ITPKB: variants seen among roughly 807,000 people sequenced by gnomAD.
ITPKB encodes inositol-trisphosphate 3-kinase B.
ITPKB carries 13 observed loss-of-function variants against 69.4 expected under a neutral mutation model. The ratio of observed to expected loss-of-function variants is 0.19; its 90% CI spans 0.12 to 0.30. The LOEUF is 0.30. Ranked by LOEUF, ITPKB falls within the 10% of genes least tolerant of loss-of-function variation. ITPKB has a pLI of 1.00. For missense variants in ITPKB, 1,240 were observed against 1,250.5 expected (o/e 0.99, Z 0.13); for synonymous variants, 584 against 513.7 (o/e 1.14, Z -1.85).
At chr1:226,711,372 A>G (rs1020300091) in intron 2 of ITPKB, among the ~76,000 whole-genome samples, 3 of 151,770 alleles carry the variant, frequency 2.0e-5, no homozygotes, top group African/African-American at 7.2e-5. Context: ...AACCAGATGC[A>G]GTACCTGCCT....
rs537790633 is a variant in ITPKB at position 226,641,796 on chromosome 1, G to A, written c.2451+125C>T. The A allele has an allele frequency of 1.7e-5, 15 of 870,526 alleles. No homozygotes were observed. Among genetic ancestry groups the A allele is most frequent in the African/African-American group, 1.2e-4 (7 of 59,636 alleles). The allele number at this position is 870,526 out of a possible 1,614,324, so 53.9% of individuals were successfully genotyped here. A position where few individuals can be genotyped will look rare whatever the true frequency, so the allele number is the denominator to read the frequency against. ...GTCTCCAAATGTCTGGCCTTGGGGC[G>A]GGCCACCCACATTCTGAGCCTGTGC... On this transcript the variant is annotated intron_variant, in intron 5 of 7. Coordinates refer to ENST00000429204, the MANE Select transcript of ITPKB (RefSeq NM_002221.4). The surrounding 1 kb of genome is among the most constrained non-coding windows in gnomAD (Gnocchi z 4.6).
In ITPKB at chr1:226,645,734, C is replaced by A. The variant is rs183369787; in HGVS notation, c.2246+1433G>T. Among the ~76,000 whole-genome samples the A allele has an allele frequency of 7.4e-4, 112 of 152,258 alleles. No homozygotes were observed. In the Middle Eastern group the frequency reaches 0.01, roughly 14 times the overall value. ...AAATCAGACTCGGGAAAAGCAAAGG[C>A]CTCGGGCTGGCTGGGGGCATGTTCT... On this transcript the variant is annotated intron_variant, in intron 4 of 7. Transcript: ENST00000429204.
intron 4 of ITPKB, among the ~76,000 whole-genome samples, chr1:226,644,428 G>A (rs976416293): frequency 6.6e-5 from 10 of 152,184 alleles, no homozygotes; most frequent in Admixed American, 2.0e-4. Flanking sequence ...CCAGCCCAGG[G>A]AGCCAACAGG....
Position 226,737,643 on chromosome 1 carries a change from GC to G in ITPKB, c.-186del. The G allele has an allele frequency of 1.8e-6, 2 of 1,101,522 alleles. No homozygotes were observed. The highest frequency in any genetic ancestry group is 2.2e-6 in the Non-Finnish European group (2 of 902,908). 68.2% of individuals were successfully genotyped at this position (1,101,522 alleles called of 1,614,324 possible). A position where few individuals can be genotyped will look rare whatever the true frequency, so the allele number is the denominator to read the frequency against. On this transcript the variant is annotated 5_prime_UTR_variant, in exon 2 of 8. The change creates a premature stop within an existing upstream ORF in the 5' untranslated region. Coordinates refer to ENST00000429204, the MANE Select transcript of ITPKB (RefSeq NM_002221.4). ...ACCGCGGGCTCAGCCCCCGCCCAAA[GC>G]TCCATAAACAACCGTGCGGCTGTGG...
intron 2 of ITPKB, among the ~76,000 whole-genome samples, chr1:226,655,591 C>A (rs573451805): frequency 9.8e-4 from 150 of 152,348 alleles, no homozygotes; most frequent in African/African-American, 3.5e-3. Context: ...GCATGTTGTT[C>A]AGAGTCTGGC....
intron 2 of ITPKB, among the ~76,000 whole-genome samples, chr1:226,706,716 G>GGGA (rs1389467111): frequency 6.6e-6 from 1 of 152,202 alleles, no homozygotes; most frequent in East Asian, 1.9e-4. Flanking sequence ...TGGGGCCTGT[G>GGGA]GGAGGAGGAG....
At chr1:226,668,825 A>ACG (rs1364210573) in intron 2 of ITPKB, 9 of 152,250 alleles carry the variant, frequency 5.9e-5, no homozygotes, top group African/African-American at 2.2e-4. Context: ...ATCAGTATTT[A>ACG]CGAAGTCTGA....
intron 2 of ITPKB, among the ~76,000 whole-genome samples, chr1:226,670,115 C>A (rs1307519852): frequency 6.7e-6 from 1 of 148,380 alleles, no homozygotes; most frequent in African/African-American, 2.5e-5. Context: ...CTCAAGTGAT[C>A]CGCCTGCCTC....
chr1:226,639,042 C>T (rs533330116), intron 6 of ITPKB, among the ~76,000 whole-genome samples: 22 of 140,608 alleles, frequency 1.6e-4, no homozygotes, highest in Non-Finnish European at 2.7e-4. Flanking sequence ...GTACTAACTT[C>T]AGTGCCCTTG....
At position 226,634,280 on chromosome 1, in the gene ITPKB, C is replaced by CT. The variant is rs1474892551; in HGVS notation, c.*390dup. On this transcript the variant is annotated 3_prime_UTR_variant, in exon 8 of 8. Transcript: ENST00000429204. This position sits in a 1 kb window ranked among gnomAD's most constrained non-coding sequence, Gnocchi z 6.3. ...AAATAAGGCTGTGCTTGGCAGCACT[C>CT]TAACAGCACTGGCCGCCAGGGGGCA... The CT allele has an allele frequency of 2.7e-5, 5 of 186,900 alleles. No homozygotes were observed. The highest frequency in any genetic ancestry group is 1.2e-4 in the African/African-American group (5 of 42,922). The allele number at this position is 186,900 out of a possible 1,614,324, so 11.6% of individuals were successfully genotyped here.
At chr1:226,689,569 T>TGTG (rs1553255310) in intron 2 of ITPKB, among the ~76,000 whole-genome samples, 24 of 138,474 alleles carry the variant, frequency 1.7e-4, no homozygotes, top group African/African-American at 6.5e-4. Context: ...AAGGTTTTAT[T>TGTG]TGTGTGTGTG....
At chr1:226,646,427 C>T (rs1220311629) in intron 4 of ITPKB, among the ~76,000 whole-genome samples, 1 of 152,160 alleles carries the variant, frequency 6.6e-6, no homozygotes, top group Non-Finnish European at 1.5e-5. Flanking sequence ...CCTCAGGCAT[C>T]CCTGTCTGCT....
chr1:226,648,552 A>G, intron 3 of ITPKB, 120 bp downstream of exon 3: 1 of 717,990 alleles, frequency 1.4e-6, no homozygotes. Context: ...CTGTGATTTC[A>G]GACTAGAAAG....
chr1:226,695,265 G>T (rs898486729), intron 2 of ITPKB, among the ~76,000 whole-genome samples: 2 of 152,080 alleles, frequency 1.3e-5, no homozygotes, highest in African/African-American at 4.8e-5. Flanking sequence ...ATAAATGAAA[G>T]CTGGGAGGGA....
chr1:226,726,199 G>A (rs2102646823), intron 2 of ITPKB, among the ~76,000 whole-genome samples: 1 of 152,282 alleles, frequency 6.6e-6, no homozygotes, highest in South Asian at 2.1e-4. Context: ...GTCAAGTGCT[G>A]GATCTGAGAG....
At chr1:226,703,627 G>A (rs1656730214) in intron 2 of ITPKB, among the ~76,000 whole-genome samples, 2 of 152,218 alleles carry the variant, frequency 1.3e-5, no homozygotes, top group Non-Finnish European at 2.9e-5. Flanking sequence ...CGGGAAGGCG[G>A]CCGCCCCTGT....
rs138043911 is a variant in ITPKB at position 226,733,794 on chromosome 1, C to G, written c.1932+1733G>C. Reference sequence around the variant, plus strand: ...CTCTGGTTTCTCAAATGGCATCGTTCTGGCAAATGGAAAAAAAAGTCACCT... The same window carrying G: ...CTCTGGTTTCTCAAATGGCATCGTTGTGGCAAATGGAAAAAAAAGTCACCT... On this transcript the variant is annotated intron_variant, in intron 2 of 7. Transcript: ENST00000429204. 1.2e-3 allele frequency among the ~76,000 whole-genome samples: 186 copies of G among 152,306 alleles called. 2 individuals carry two copies. The highest frequency in any genetic ancestry group is 2.3e-3 in the Non-Finnish European group (155 of 68,024).
At chr1:226,681,042 CCCTCA>C (rs1487765437) in intron 2 of ITPKB, among the ~76,000 whole-genome samples, 2 of 152,154 alleles carry the variant, frequency 1.3e-5, no homozygotes, top group African/African-American at 4.8e-5. Flanking sequence ...AACTCCCCTC[CCCTCA>C]CCTGGCAAAA....
At chr1:226,709,483 G>A (rs1048918739) in intron 2 of ITPKB, among the ~76,000 whole-genome samples, 6 of 152,180 alleles carry the variant, frequency 3.9e-5, no homozygotes, top group Admixed American at 2.6e-4. Context: ...CACTTAAAAT[G>A]TATGGGTGGG....
Sources: gnomAD v4.1 joint callset for allele counts (sites outside exome capture counted in the v4.1 genomes callset) on GRCh38, gnomAD v4.1.1 for gene constraint, Gnocchi (gnomAD v3.1) non-coding constraint, MANE v1.5 for transcripts, NCBI Gene and HGNC (gene_info 2026-07-23, HGNC 2026-07-21) for gene names.